Variants in EHMT1 observed in about 807,000 individuals in gnomAD.
The protein encoded by EHMT1 is histone-lysine N-methyltransferase EHMT1.
In EHMT1, 15 loss-of-function variants were observed where a neutral mutation model predicts 147.2. The observed-to-expected ratio is 0.10, with a 90% confidence interval of 0.07 to 0.16. The LOEUF (loss-of-function observed/expected upper bound fraction) is 0.16, where lower values mean the gene tolerates loss of function less well. Ranked by LOEUF, EHMT1 falls within the 10% of genes least tolerant of loss-of-function variation. The probability of loss-of-function intolerance (pLI) is 1.00; values close to 1 mark genes in which losing one functional copy is unlikely to be tolerated. For missense variants in EHMT1, 1,587 were observed against 1,772.4 expected, an observed-to-expected ratio of 0.90 and a Z score of 1.88; for synonymous variants, 795 against 709.6, an observed-to-expected ratio of 1.12 and a Z score of -1.91.
At chr9:137,742,726 G>A (rs1948210425) in intron 4 of EHMT1, among the ~76,000 whole-genome samples, 1 of 152,162 alleles carries the variant, frequency 6.6e-6, no homozygotes, top group African/African-American at 2.4e-5. Flanking sequence ...TTTTAATAGA[G>A]AGCTGGACCG....
chr9:137,817,799 GC>G (rs1955042815), intron 24 of EHMT1: 7 of 621,914 alleles, frequency 1.1e-5, no homozygotes, highest in Non-Finnish European at 2.0e-5. Flanking sequence ...TCCAGCATGG[GC>G]AGTCATCTCT....
chr9:137,743,232 G>A, intron 4 of EHMT1, 139 bp from the exon 5 acceptor site: 1 of 998,008 alleles, frequency 1.0e-6, no homozygotes, highest in Non-Finnish European at 1.5e-6. Flanking sequence ...ATGACCTGCG[G>A]GCAGTGGGCC....
chr9:137,829,242 T>A (rs986870246), intron 25 of EHMT1, among the ~76,000 whole-genome samples: 1 of 152,226 alleles, frequency 6.6e-6, no homozygotes, highest in South Asian at 2.1e-4. Flanking sequence ...AGTTAAAAAA[T>A]AGAAGAAAAA....
intron 1 of EHMT1, chr9:137,620,163 A>G (rs760689849): frequency 3.3e-5 from 5 of 152,222 alleles, no homozygotes; most frequent in Non-Finnish European, 7.3e-5. Context: ...CTTAAATTCA[A>G]TGCAAGGAGT....
At chr9:137,668,456 C>T (rs1050867539) in intron 1 of EHMT1, among the ~76,000 whole-genome samples, 6 of 152,148 alleles carry the variant, frequency 3.9e-5, no homozygotes, top group Non-Finnish European at 8.8e-5. Context: ...TTCACCTGTC[C>T]ACATCCATCT....
chr9:137,797,098 G>A (rs1383019291), intron 16 of EHMT1, among the ~76,000 whole-genome samples: 1 of 152,106 alleles, frequency 6.6e-6, no homozygotes, highest in Non-Finnish European at 1.5e-5. Context: ...ACGAATTCAG[G>A]ATAGTGATAA....
At chr9:137,751,624 G>T (rs190530423) in intron 6 of EHMT1, among the ~76,000 whole-genome samples, 2 of 152,336 alleles carry the variant, frequency 1.3e-5, no homozygotes, top group East Asian at 1.9e-4. Flanking sequence ...GTCTATTTGC[G>T]TATTGCCTGT....
intron 6 of EHMT1, chr9:137,746,678 T>G (rs1372891309): frequency 6.6e-6 from 1 of 152,200 alleles, no homozygotes; most frequent in Non-Finnish European, 1.5e-5. Flanking sequence ...CAATAAAGCT[T>G]TTAAAAGAAA....
At chr9:137,697,683 T>A (rs913703795) in intron 1 of EHMT1, among the ~76,000 whole-genome samples, 1 of 152,212 alleles carries the variant, frequency 6.6e-6, no homozygotes, top group Non-Finnish European at 1.5e-5. Context: ...CCAAAGTAGT[T>A]TTTATTCTTG....
At chr9:137,708,898 G>T (rs1039131560) in intron 1 of EHMT1, among the ~76,000 whole-genome samples, 3 of 152,138 alleles carry the variant, frequency 2.0e-5, no homozygotes, top group Non-Finnish European at 2.9e-5. Context: ...GGAAAGCTTC[G>T]GGTTCCACGC....
intron 1 of EHMT1, among the ~76,000 whole-genome samples, chr9:137,685,715 T>A (rs1942368278): frequency 1.3e-5 from 2 of 152,214 alleles, no homozygotes; most frequent in Non-Finnish European, 2.9e-5. Flanking sequence ...ATTTCTCTAC[T>A]CCTCACCAAC....
intron 1 of EHMT1, among the ~76,000 whole-genome samples, chr9:137,656,166 G>A (rs1249652994): frequency 6.6e-6 from 1 of 152,146 alleles, no homozygotes; most frequent in Non-Finnish European, 1.5e-5. Flanking sequence ...GATCACCTGA[G>A]GTCAGGAGTT....
chr9:137,700,073 TCTGTC>T (rs1377299341), intron 1 of EHMT1, among the ~76,000 whole-genome samples: 1 of 152,252 alleles, frequency 6.6e-6, no homozygotes, highest in Non-Finnish European at 1.5e-5. Context: ...GTTACTGTCT[TCTGTC>T]CTGTGTTGCT....
chr9:137,666,662 A>G (rs1306449303), intron 1 of EHMT1, among the ~76,000 whole-genome samples: 1 of 152,220 alleles, frequency 6.6e-6, no homozygotes, highest in Non-Finnish European at 1.5e-5. Flanking sequence ...GAGAGCTGGG[A>G]ACAGAGCCTC....
rs891311892 is a variant in EHMT1 at position 137,834,299 on chromosome 9, C to G, written c.3541-50C>G. On this transcript the variant is annotated intron_variant, in intron 25 of 26. Coordinates refer to ENST00000460843, the MANE Select transcript of EHMT1 (RefSeq NM_024757.5). ...GCATGGCCGTACCCGGCGAGGCCGG[C>G]GTGTCGGGGCCTTGCTAACTGCAGC... The G allele has an allele frequency of 9.3e-6, 15 of 1,607,188 alleles. No individual in the cohort carries two copies. In the African/African-American group the frequency reaches 1.1e-4, roughly 11 times the overall value.
chr9:137,727,752 G>C (rs1202788249), intron 3 of EHMT1, among the ~76,000 whole-genome samples: 1 of 152,244 alleles, frequency 6.6e-6, no homozygotes, highest in African/African-American at 2.4e-5. Flanking sequence ...CTGGGAGTTT[G>C]CTGTTGGTAT....
At chr9:137,724,471 A>G (rs1174690840) in intron 3 of EHMT1, among the ~76,000 whole-genome samples, 1 of 152,256 alleles carries the variant, frequency 6.6e-6, no homozygotes, top group African/African-American at 2.4e-5. Context: ...ACCTAAATCT[A>G]GAATTCTCAC....
chr9:137,634,630 C>CT (rs1478305612), intron 1 of EHMT1, among the ~76,000 whole-genome samples: 3 of 143,874 alleles, frequency 2.1e-5, no homozygotes, highest in Non-Finnish European at 3.0e-5. Flanking sequence ...CTTTTCTTTT[C>CT]TTTTCTTTTT....
intron 8 of EHMT1, among the ~76,000 whole-genome samples, chr9:137,755,507 T>C (rs1949315652): frequency 6.6e-6 from 1 of 152,248 alleles, no homozygotes; most frequent in South Asian, 2.1e-4. Flanking sequence ...TTTCCAGCCT[T>C]GGCTGCTAGA....
Sources: allele counts gnomAD v4.1 joint callset (sites outside exome capture counted in the v4.1 genomes callset), GRCh38; gene constraint gnomAD v4.1.1; transcripts MANE v1.5; gene names NCBI Gene and HGNC (gene_info 2026-07-23, HGNC 2026-07-21).